The following COL19A1 variants were observed in gnomAD, a reference collection of about 807,000 sequenced individuals.
COL19A1 encodes collagen alpha-1(XIX) chain.
COL19A1 carries 159 observed loss-of-function variants against 190.2 expected under a neutral mutation model. The observed-to-expected ratio is 0.84, with a 90% confidence interval of 0.73 to 0.95. The LOEUF (loss-of-function observed/expected upper bound fraction) is 0.95, where lower values mean the gene tolerates loss of function less well. COL19A1 is among the 40% of genes least tolerant of loss of function. The probability of loss-of-function intolerance (pLI) is 0.00; values close to 1 mark genes in which losing one functional copy is unlikely to be tolerated. For missense variants in COL19A1, 1,418 were observed against 1,431.9 expected (o/e 0.99, Z 0.16); for synonymous variants, 509 against 458.9 (o/e 1.11, Z -1.39).
At chr6:70,053,760 C>T (rs1780342955) in intron 14 of COL19A1, among the ~76,000 whole-genome samples, 2 of 150,950 alleles carry the variant, frequency 1.3e-5, no homozygotes, top group Non-Finnish European at 1.5e-5. Flanking sequence ...ATAAAAATTG[C>T]CAGCATATAT....
chr6:70,103,494 G>A (rs995681066), intron 16 of COL19A1, among the ~76,000 whole-genome samples: 15 of 152,064 alleles, frequency 9.9e-5, no homozygotes, highest in Admixed American at 8.5e-4. Context: ...CAAGAAAGAT[G>A]GATTCCACAT....
intron 4 of COL19A1, among the ~76,000 whole-genome samples, chr6:69,925,203 G>T (rs1026380660): frequency 2.6e-4 from 39 of 152,100 alleles, no homozygotes; most frequent in Non-Finnish European, 4.7e-4. Context: ...TTTTTCTAGG[G>T]TTTTTATGGT....
chr6:70,156,864 T>C, intron 34 of COL19A1, 141 bp downstream of exon 34: 1 of 519,544 alleles, frequency 1.9e-6, no homozygotes. Flanking sequence ...GCTTTTAAAA[T>C]GCTGACAGAT....
intron 11 of COL19A1, among the ~76,000 whole-genome samples, chr6:69,975,655 G>C (rs547781371): frequency 8.5e-5 from 13 of 152,260 alleles, no homozygotes; most frequent in African/African-American, 3.1e-4. Flanking sequence ...TTTGATTCTG[G>C]CAGGTATTAC....
intron 13 of COL19A1, among the ~76,000 whole-genome samples, chr6:70,035,613 T>C (rs976295221): frequency 2.0e-5 from 3 of 152,204 alleles, no homozygotes; most frequent in African/African-American, 7.2e-5. Context: ...AAATATATTA[T>C]TTCTAATTTT....
At chr6:70,091,609 TG>T (rs1782931175) in intron 15 of COL19A1, among the ~76,000 whole-genome samples, 1 of 152,144 alleles carries the variant, frequency 6.6e-6, no homozygotes, top group African/African-American at 2.4e-5. Context: ...AAAGCTGAGT[TG>T]GTTATGTGAG....
At chr6:69,943,921 C>G (rs977023380) in intron 9 of COL19A1, among the ~76,000 whole-genome samples, 2 of 152,108 alleles carry the variant, frequency 1.3e-5, no homozygotes, top group South Asian at 4.1e-4. Context: ...GAGCCAAAAC[C>G]CACTAATGAC....
intron 12 of COL19A1, among the ~76,000 whole-genome samples, chr6:70,033,274 G>GC (rs1457173807): frequency 6.6e-6 from 1 of 151,950 alleles, no homozygotes; most frequent in African/African-American, 2.4e-5. Flanking sequence ...ACAGGTGATG[G>GC]CATTTGGCAT....
At chr6:70,093,869 GGGGGATAAAAGGAAA>G (rs1346789868) in intron 15 of COL19A1, among the ~76,000 whole-genome samples, 1 of 152,100 alleles carries the variant, frequency 6.6e-6, no homozygotes, top group Non-Finnish European at 1.5e-5. Context: ...TCCATCTAAG[GGGGGATAAAAGGAAA>G]GGGGCAGAGA....
intron 11 of COL19A1, among the ~76,000 whole-genome samples, chr6:69,972,274 G>A (rs1775470771): frequency 2.0e-5 from 3 of 152,046 alleles, no homozygotes; most frequent in South Asian, 2.1e-4. Context: ...TGTACCTTTA[G>A]CACTATACTG....
At chr6:70,020,717 T>C (rs78947198) in intron 11 of COL19A1, among the ~76,000 whole-genome samples, 15,100 of 152,106 alleles carry the variant, frequency 0.099, 808 homozygotes, top group East Asian at 0.2. Flanking sequence ...GGCTACTGGC[T>C]TTTAGTGAGC....
intron 7 of COL19A1, 35 bp from the exon 8 acceptor site, chr6:69,936,750 G>A (rs1201234595): frequency 6.2e-7 from 1 of 1,608,896 alleles, no homozygotes; most frequent in African/African-American, 1.3e-5. Context: ...GTTTGGAATT[G>A]ACCCCATTTC....
chr6:70,038,867 G>A (rs1009756026), intron 14 of COL19A1, among the ~76,000 whole-genome samples: 3 of 151,856 alleles, frequency 2.0e-5, no homozygotes, highest in Admixed American at 6.6e-5. Context: ...GTTCTCTGTC[G>A]CATCCTGGCC....
At chr6:70,152,147 G>A (rs986262476) in intron 31 of COL19A1, among the ~76,000 whole-genome samples, 4 of 151,824 alleles carry the variant, frequency 2.6e-5, no homozygotes, top group African/African-American at 9.7e-5. Flanking sequence ...ATTGAGTGAG[G>A]CCACATGAAA....
At chr6:70,190,955 G>C (rs1003322139) in intron 48 of COL19A1, among the ~76,000 whole-genome samples, 5 of 152,142 alleles carry the variant, frequency 3.3e-5, no homozygotes, top group African/African-American at 9.7e-5. Flanking sequence ...AAAATCAAAA[G>C]ATATTTCATG....
intron 19 of COL19A1, among the ~76,000 whole-genome samples, chr6:70,139,625 C>T (rs761856429): frequency 6.6e-6 from 1 of 151,966 alleles, no homozygotes; most frequent in Non-Finnish European, 1.5e-5. Flanking sequence ...CTTTACTTTG[C>T]ATAATAATCA....
chr6:69,970,685 T>C (rs1775377998), intron 11 of COL19A1, among the ~76,000 whole-genome samples: 1 of 152,224 alleles, frequency 6.6e-6, no homozygotes, highest in African/African-American at 2.4e-5. Flanking sequence ...TCCCGTGAAT[T>C]CTGTCTTGGT....
chr6:70,000,330 C>T (rs899786922), intron 11 of COL19A1, among the ~76,000 whole-genome samples: 14 of 152,150 alleles, frequency 9.2e-5, no homozygotes, highest in Non-Finnish European at 1.6e-4. Flanking sequence ...AATAAACATA[C>T]GTGTACATGT....
chr6:69,937,709 A>G (rs1431506125), intron 8 of COL19A1, among the ~76,000 whole-genome samples: 3 of 152,128 alleles, frequency 2.0e-5, no homozygotes, highest in Non-Finnish European at 4.4e-5. Context: ...GGAAACTTTC[A>G]TTTTTTCTAG....
Sources: allele counts gnomAD v4.1 joint callset (sites outside exome capture counted in the v4.1 genomes callset), GRCh38; gene constraint gnomAD v4.1.1; transcripts MANE v1.5; gene names NCBI Gene and HGNC (gene_info 2026-07-23, HGNC 2026-07-21).